Variants in PCDH15 observed in about 807,000 individuals in gnomAD.
The protein encoded by PCDH15 is protocadherin related 15.
Under a neutral mutation model 178.5 loss-of-function variants are expected in PCDH15, and 129 were observed. That is an observed-to-expected ratio of 0.72 (90% confidence interval 0.63 to 0.84). The LOEUF (loss-of-function observed/expected upper bound fraction) is 0.84, where lower values mean the gene tolerates loss of function less well. Ranked by LOEUF, PCDH15 falls within the 40% of genes least tolerant of loss-of-function variation. The probability of loss-of-function intolerance (pLI) is 0.00; values close to 1 mark genes in which losing one functional copy is unlikely to be tolerated. For missense variants in PCDH15, 2,230 were observed against 2,099.9 expected (o/e 1.06, Z -1.21); for synonymous variants, 800 against 732.0 (o/e 1.09, Z -1.50).
chr10:55,575,081 T>A (rs1368046758), intron 2 of PCDH15, among the ~76,000 whole-genome samples: 1 of 152,128 alleles, frequency 6.6e-6, no homozygotes, highest in Non-Finnish European at 1.5e-5. Context: ...CTCTCTTATT[T>A]GACCTCTGGT....
At chr10:54,605,515 G>A (rs1161327696) in intron 2 of PCDH15, among the ~76,000 whole-genome samples, 1 of 152,060 alleles carries the variant, frequency 6.6e-6, no homozygotes, top group East Asian at 1.9e-4. Flanking sequence ...ATGATCATAG[G>A]AGGGTTCCCT....
intron 2 of PCDH15, among the ~76,000 whole-genome samples, chr10:54,928,927 C>A (rs975811315): frequency 6.6e-6 from 1 of 152,128 alleles, no homozygotes; most frequent in African/African-American, 2.4e-5. Flanking sequence ...TCTACTTCTG[C>A]AATTTCAGCA....
chr10:54,554,713 C>T (rs1387351542), intron 2 of PCDH15, among the ~76,000 whole-genome samples: 2 of 152,094 alleles, frequency 1.3e-5, no homozygotes. Flanking sequence ...CAGACAGGAC[C>T]TAAACCCTCT....
At chr10:55,143,318 T>G (rs942103833) in intron 2 of PCDH15, among the ~76,000 whole-genome samples, 10 of 151,842 alleles carry the variant, frequency 6.6e-5, no homozygotes, top group African/African-American at 9.7e-5. Flanking sequence ...AAAAGAGAAA[T>G]AGATTGACTT....
chr10:55,337,574 T>A (rs1159924526), intron 2 of PCDH15, among the ~76,000 whole-genome samples: 1 of 152,230 alleles, frequency 6.6e-6, no homozygotes, highest in Admixed American at 6.5e-5. Context: ...GATTAGTTTA[T>A]AAATTTTGTA....
upstream of PCDH15, among the ~76,000 whole-genome samples, chr10:55,320,033 T>C (rs1843847426): frequency 6.6e-6 from 1 of 152,048 alleles, no homozygotes; most frequent in Non-Finnish European, 1.5e-5. Flanking sequence ...ACACCTGCAT[T>C]TAGTGCAGCC....
intron 2 of PCDH15, among the ~76,000 whole-genome samples, chr10:54,919,920 A>G (rs896483215): frequency 2.6e-5 from 4 of 151,834 alleles, no homozygotes; most frequent in African/African-American, 7.3e-5. Context: ...GTAACATTTG[A>G]GAATTCATTC....
At chr10:55,567,248 T>A (rs1283360478) in intron 2 of PCDH15, among the ~76,000 whole-genome samples, 4 of 151,860 alleles carry the variant, frequency 2.6e-5, no homozygotes, top group Non-Finnish European at 4.4e-5. Context: ...TAAAGTTGGA[T>A]CCTTACTTAA....
chr10:54,304,119 T>G (rs1317497551), intron 8 of PCDH15, among the ~76,000 whole-genome samples: 1 of 152,104 alleles, frequency 6.6e-6, no homozygotes, highest in Non-Finnish European at 1.5e-5. Context: ...TCTTTGATTA[T>G]CTTGACATGG....
chr10:54,908,638 A>G (rs1954767114), intron 2 of PCDH15, among the ~76,000 whole-genome samples: 1 of 152,214 alleles, frequency 6.6e-6, no homozygotes, highest in East Asian at 1.9e-4. Flanking sequence ...AGGAAGAAAG[A>G]GGTGTGCAGA....
At chr10:54,340,265 T>G (rs1941982135) in intron 6 of PCDH15, among the ~76,000 whole-genome samples, 1 of 152,212 alleles carries the variant, frequency 6.6e-6, no homozygotes. Context: ...CTCTTTTTAT[T>G]GTTGTCATTG....
intron 2 of PCDH15, among the ~76,000 whole-genome samples, chr10:55,007,522 T>C (rs1043668888): frequency 1.4e-5 from 2 of 147,166 alleles, no homozygotes; most frequent in African/African-American, 5.0e-5. Context: ...GTATATGAGG[T>C]TGGCAAAGTT....
chr10:55,567,170 T>C (rs548367910), intron 2 of PCDH15, among the ~76,000 whole-genome samples: 1 of 151,960 alleles, frequency 6.6e-6, no homozygotes, highest in East Asian at 1.9e-4. Context: ...TCAAGAGTAT[T>C]CAATGGGGAA....
chr10:55,153,026 T>A (rs959565513), intron 2 of PCDH15, among the ~76,000 whole-genome samples: 6 of 152,060 alleles, frequency 3.9e-5, no homozygotes, highest in African/African-American at 1.4e-4. Flanking sequence ...ATACAAGTAA[T>A]TTTTTAAAGA....
chr10:55,227,894 A>C (rs1384725971), intron 1 of PCDH15, among the ~76,000 whole-genome samples: 1 of 152,050 alleles, frequency 6.6e-6, no homozygotes, highest in African/African-American at 2.4e-5. Flanking sequence ...AAACATACAT[A>C]ATTTTTATTT....
intron 26 of PCDH15, among the ~76,000 whole-genome samples, chr10:53,898,285 AT>A (rs1484910107): frequency 6.6e-6 from 1 of 151,998 alleles, no homozygotes; most frequent in East Asian, 1.9e-4. Flanking sequence ...GTTGTTTCTA[AT>A]TTTTAGTTGT....
At chr10:55,102,187 G>T (rs1842589158) in intron 2 of PCDH15, among the ~76,000 whole-genome samples, 1 of 151,814 alleles carries the variant, frequency 6.6e-6, no homozygotes, top group Non-Finnish European at 1.5e-5. Flanking sequence ...TTTGTTTTCA[G>T]TATGTTTTTT....
chr10:54,916,088 A>T (rs1029253242), intron 2 of PCDH15, among the ~76,000 whole-genome samples: 1 of 150,846 alleles, frequency 6.6e-6, no homozygotes, highest in African/African-American at 2.5e-5. Flanking sequence ...AAGTGCTGGG[A>T]TTACAGGCAA....
intron 2 of PCDH15, among the ~76,000 whole-genome samples, chr10:55,016,065 C>A: frequency 1.4e-5 from 2 of 138,760 alleles, no homozygotes; most frequent in African/African-American, 2.7e-5. Context: ...TGTAATTGAC[C>A]AAATTTTAAC....
Sources: allele counts gnomAD v4.1 joint callset (sites outside exome capture counted in the v4.1 genomes callset), GRCh38; gene constraint gnomAD v4.1.1; transcripts MANE v1.5; gene names NCBI Gene and HGNC (gene_info 2026-07-23, HGNC 2026-07-21).